Variants in EPHA6 observed in about 807,000 individuals in gnomAD.
EPHA6 encodes EPH receptor A6, also known as ephrin type-A receptor 6.
EPHA6 carries 50 observed loss-of-function variants against 112.0 expected under a neutral mutation model. That is an observed-to-expected ratio of 0.45 (90% CI 0.36 to 0.56). EPHA6 has a LOEUF of 0.56. Ranked by LOEUF, EPHA6 falls within the 20% of genes least tolerant of loss-of-function variation. EPHA6 has a pLI of 0.00. For missense variants in EPHA6, 1,280 were observed against 1,417.4 expected, an observed-to-expected ratio of 0.90 and a Z score of 1.56; for synonymous variants, 529 against 490.7, an observed-to-expected ratio of 1.08 and a Z score of -1.03.
At chr3:97,634,917 G>A (rs1241365361) in intron 13 of EPHA6, among the ~76,000 whole-genome samples, 3 of 151,496 alleles carry the variant, frequency 2.0e-5, no homozygotes, top group African/African-American at 4.8e-5. Context: ...GCTTCACCAA[G>A]GACATTCTTA....
chr3:97,163,860 T>C (rs944066934), intron 3 of EPHA6, among the ~76,000 whole-genome samples: 2 of 152,348 alleles, frequency 1.3e-5, no homozygotes, highest in South Asian at 4.1e-4. Flanking sequence ...GTGCCCTCAC[T>C]GTAACAGTAG....
intron 11 of EPHA6, among the ~76,000 whole-genome samples, chr3:97,575,787 A>G (rs1294832303): frequency 6.6e-6 from 1 of 152,226 alleles, no homozygotes; most frequent in Non-Finnish European, 1.5e-5. Flanking sequence ...AAGCACGGAA[A>G]TTAAATTGGA....
chr3:97,277,628 A>G (rs1047580738), intron 5 of EPHA6, among the ~76,000 whole-genome samples: 9 of 152,214 alleles, frequency 5.9e-5, no homozygotes, highest in African/African-American at 1.9e-4. Flanking sequence ...TTGTTACTGT[A>G]CTTAGTACTT....
intron 5 of EPHA6, among the ~76,000 whole-genome samples, chr3:97,371,524 A>G (rs1008518004): frequency 6.6e-6 from 1 of 152,106 alleles, no homozygotes; most frequent in East Asian, 1.9e-4. Context: ...TCTTAATCCC[A>G]TCATCTTCAT....
chr3:96,925,951 C>A (rs769218588), intron 2 of EPHA6, among the ~76,000 whole-genome samples: 12 of 152,128 alleles, frequency 7.9e-5, no homozygotes, highest in Non-Finnish European at 1.2e-4. Context: ...CTGTCTCCTT[C>A]ATTTCAGCTC....
chr3:96,999,416 C>A (rs1413987027), intron 3 of EPHA6, among the ~76,000 whole-genome samples: 1 of 151,878 alleles, frequency 6.6e-6, no homozygotes, highest in Non-Finnish European at 1.5e-5. Context: ...TCTCTTAAAG[C>A]CTTGTAGTTG....
At position 97,749,247 on chromosome 3, in the gene EPHA6, G is replaced by A. The variant is rs935336985; in HGVS notation, c.*546G>A. ...TTAGAATTATTTGCAGAAATGACCA[G>A]TGATATCATGTAATGAATTTTTGTG... On this transcript the variant is annotated 3_prime_UTR_variant, in exon 18 of 18. Coordinates refer to ENST00000389672, the MANE Select transcript of EPHA6 (RefSeq NM_001080448.3). The A allele has an allele frequency of 4.6e-6, 1 of 216,910 alleles. No individual in the cohort carries two copies. Among genetic ancestry groups the A allele is most frequent in the Non-Finnish European group, 9.3e-6 (1 of 107,854 alleles). 13.4% of individuals were successfully genotyped at this position (216,910 alleles called of 1,614,324 possible).
At chr3:97,415,905 A>C (rs893755116) in intron 6 of EPHA6, among the ~76,000 whole-genome samples, 1 of 152,030 alleles carries the variant, frequency 6.6e-6, no homozygotes, top group Admixed American at 6.6e-5. Context: ...AAAGCACTTG[A>C]ATTTTTTTTT....
At chr3:97,108,570 G>C (rs1254872164) in intron 3 of EPHA6, among the ~76,000 whole-genome samples, 1 of 152,136 alleles carries the variant, frequency 6.6e-6, no homozygotes, top group Non-Finnish European at 1.5e-5. Context: ...ACATTACAAA[G>C]TCATGAGATC....
intron 10 of EPHA6, among the ~76,000 whole-genome samples, chr3:97,529,840 C>T (rs892763742): frequency 6.6e-6 from 1 of 151,968 alleles, no homozygotes; most frequent in African/African-American, 2.4e-5. Context: ...ATGAAGAAAA[C>T]ACCTGCCTGG....
chr3:96,900,567 G>T (rs897127692), intron 2 of EPHA6, among the ~76,000 whole-genome samples: 3 of 152,178 alleles, frequency 2.0e-5, no homozygotes, highest in Admixed American at 2.0e-4. Flanking sequence ...AAATACTAAA[G>T]GCAACAGAGG....
At chr3:97,735,877 T>A (rs1407114676) in intron 15 of EPHA6, 48 bp from the exon 16 acceptor site, 1 of 1,398,694 alleles carries the variant, frequency 7.1e-7, no homozygotes. Flanking sequence ...ATAGCATATG[T>A]ATTACTGCCT....
At chr3:97,055,497 T>A (rs1392971943) in intron 3 of EPHA6, among the ~76,000 whole-genome samples, 1 of 152,176 alleles carries the variant, frequency 6.6e-6, no homozygotes, top group Non-Finnish European at 1.5e-5. Context: ...AGGCTTATAA[T>A]CTTTTAGGAG....
intron 2 of EPHA6, among the ~76,000 whole-genome samples, chr3:96,880,308 A>G (rs185645046): frequency 2.0e-5 from 3 of 152,042 alleles, no homozygotes; most frequent in Admixed American, 2.0e-4. Context: ...TAATTAAAAA[A>G]CCCACAAATA....
At chr3:97,710,199 C>T (rs2033894189) in intron 14 of EPHA6, among the ~76,000 whole-genome samples, 2 of 152,318 alleles carry the variant, frequency 1.3e-5, no homozygotes, top group Middle Eastern at 3.4e-3. Flanking sequence ...TTCAGTCTTT[C>T]AGATGACTGT....
intron 3 of EPHA6, among the ~76,000 whole-genome samples, chr3:97,093,663 C>T (rs1000321544): frequency 1.3e-5 from 2 of 152,110 alleles, no homozygotes; most frequent in African/African-American, 2.4e-5. Context: ...AATATGAGTT[C>T]TCAATATATG....
chr3:97,020,307 A>T (rs1335175903), intron 3 of EPHA6, among the ~76,000 whole-genome samples: 2 of 152,238 alleles, frequency 1.3e-5, no homozygotes, highest in African/African-American at 4.8e-5. Context: ...ATATATGCGG[A>T]TTCACTGACA....
At chr3:97,103,859 C>G (rs1023438555) in intron 3 of EPHA6, among the ~76,000 whole-genome samples, 1 of 151,990 alleles carries the variant, frequency 6.6e-6, no homozygotes, top group Non-Finnish European at 1.5e-5. Flanking sequence ...AGAGCTTTTT[C>G]ACCTCCCTGG....
intron 5 of EPHA6, among the ~76,000 whole-genome samples, chr3:97,282,850 G>T (rs1307663317): frequency 6.6e-6 from 1 of 152,190 alleles, no homozygotes; most frequent in Non-Finnish European, 1.5e-5. Context: ...GGCAGGGGAA[G>T]GGAGAGCATT....
Sources: gnomAD v4.1 joint callset for allele counts (sites outside exome capture counted in the v4.1 genomes callset) on GRCh38, gnomAD v4.1.1 for gene constraint, MANE v1.5 for transcripts, NCBI Gene and HGNC (gene_info 2026-07-23, HGNC 2026-07-21) for gene names.